DIP2B: variants seen among roughly 807,000 people sequenced by gnomAD.
The protein encoded by DIP2B is DIP2 acetate--CoA ligase B (putative), also known as disco-interacting protein 2 homolog B.
In DIP2B, 76 loss-of-function variants were observed where a neutral mutation model predicts 198.0. That is an observed-to-expected ratio of 0.38 (90% CI 0.32 to 0.46). The LOEUF is 0.46. Among genes scored for constraint, DIP2B ranks in the 20% least tolerant of loss-of-function variants. DIP2B has a pLI of 0.99. For synonymous variants in DIP2B, 701 were observed against 739.1 expected, an observed-to-expected ratio of 0.95 and a Z score of 0.84; for missense variants, 1,559 against 1,978.4, an observed-to-expected ratio of 0.79 and a Z score of 4.02.
At chr12:50,720,426 AT>A (rs199799937) in intron 25 of DIP2B, among the ~76,000 whole-genome samples, 9,087 of 141,924 alleles carry the variant, frequency 0.064, 302 homozygotes, top group African/African-American at 0.086. Context: ...CTGGAATCTG[AT>A]TTTTTTTTTT....
chr12:50,601,752 A>G (rs1958938799), intron 1 of DIP2B, among the ~76,000 whole-genome samples: 2 of 151,920 alleles, frequency 1.3e-5, no homozygotes, highest in African/African-American at 4.8e-5. Flanking sequence ...GTTGGCCTTC[A>G]TAATGTTTCT....
At chr12:50,570,800 A>G (rs1958606178) in intron 1 of DIP2B, among the ~76,000 whole-genome samples, 1 of 152,252 alleles carries the variant, frequency 6.6e-6, no homozygotes, top group African/African-American at 2.4e-5. Context: ...TTTTTTTACA[A>G]TACTTCAGGT....
intron 1 of DIP2B, among the ~76,000 whole-genome samples, chr12:50,559,230 C>G (rs534416992): frequency 6.6e-5 from 10 of 151,660 alleles, no homozygotes; most frequent in Admixed American, 3.9e-4. Flanking sequence ...CTTTGGGTGA[C>G]ATTTTATTTT....
At chr12:50,732,212 T>A (rs1035770593) in intron 31 of DIP2B, among the ~76,000 whole-genome samples, 154 bp from the exon 32 acceptor site, 1 of 152,228 alleles carries the variant, frequency 6.6e-6, no homozygotes, top group African/African-American at 2.4e-5. Flanking sequence ...TGTCCGTTTC[T>A]TCTTTTCTGA....
intron 1 of DIP2B, among the ~76,000 whole-genome samples, chr12:50,526,072 A>G (rs193119034): frequency 6.6e-6 from 1 of 152,274 alleles, no homozygotes; most frequent in East Asian, 1.9e-4. Flanking sequence ...TTTTGAGTGC[A>G]GAGATTTTAC....
Position 50,556,355 on chromosome 12 carries a change from G to A in DIP2B, c.100+51115G>A, listed in dbSNP as rs533759017. Reference sequence around the variant, plus strand: ...GAGCCATAGTGCTGGGATTACAGGCGTAAGCCATCGAGCCCGGCCGACTCC... The same window carrying A: ...GAGCCATAGTGCTGGGATTACAGGCATAAGCCATCGAGCCCGGCCGACTCC... On this transcript the variant is annotated intron_variant, in intron 1 of 37. Coordinates refer to ENST00000301180, the MANE Select transcript of DIP2B (RefSeq NM_173602.3). Among the ~76,000 whole-genome samples the A allele has an allele frequency of 5.9e-5, 9 of 152,186 alleles. No individual in the cohort carries two copies. In the South Asian group the frequency reaches 1.5e-3, roughly 25 times the overall value.
intron 1 of DIP2B, among the ~76,000 whole-genome samples, chr12:50,556,503 T>C (rs1958472435): frequency 6.6e-6 from 1 of 152,164 alleles, no homozygotes; most frequent in Admixed American, 6.5e-5. Flanking sequence ...ACAGCCGTTT[T>C]ACTGGGAGTT....
At chr12:50,531,076 C>T (rs1031727624) in intron 1 of DIP2B, among the ~76,000 whole-genome samples, 9 of 152,072 alleles carry the variant, frequency 5.9e-5, no homozygotes, top group African/African-American at 1.4e-4. Context: ...GATGGAGTCT[C>T]GCTCTGTCGC....
chr12:50,616,432 T>C (rs536600604), intron 1 of DIP2B, among the ~76,000 whole-genome samples: 1 of 152,352 alleles, frequency 6.6e-6, no homozygotes, highest in South Asian at 2.1e-4. Context: ...AAAATTCTCA[T>C]CTTCTTTCAA....
intron 3 of DIP2B, chr12:50,656,930 A>G (rs1368897142): frequency 1.3e-5 from 2 of 152,156 alleles, no homozygotes; most frequent in African/African-American, 4.8e-5. Flanking sequence ...TGGTAGAGCT[A>G]TAAAATTATC....
intron 1 of DIP2B, among the ~76,000 whole-genome samples, chr12:50,545,685 T>G (rs1289791560): frequency 4.0e-5 from 6 of 151,576 alleles, no homozygotes; most frequent in Non-Finnish European, 8.8e-5. Flanking sequence ...TTTTTTTTTT[T>G]TTTTTCATAA....
chr12:50,588,966 C>G (rs1958794708), intron 1 of DIP2B, among the ~76,000 whole-genome samples: 1 of 151,790 alleles, frequency 6.6e-6, no homozygotes, highest in Non-Finnish European at 1.5e-5. Context: ...GGGCGGATCA[C>G]GAGGTCAGGA....
intron 3 of DIP2B, among the ~76,000 whole-genome samples, chr12:50,645,519 A>C (rs1414153457): frequency 6.7e-6 from 1 of 150,258 alleles, no homozygotes; most frequent in Non-Finnish European, 1.5e-5. Flanking sequence ...GTACAGTGGC[A>C]CAATCATGGC....
At chr12:50,559,145 T>C (rs929014438) in intron 1 of DIP2B, among the ~76,000 whole-genome samples, 1 of 152,214 alleles carries the variant, frequency 6.6e-6, no homozygotes, top group East Asian at 1.9e-4. Context: ...CATGGGTGAT[T>C]AGGTGATCAC....
chr12:50,655,986 A>AAGAG (rs1938548443), intron 3 of DIP2B, among the ~76,000 whole-genome samples: 1 of 152,230 alleles, frequency 6.6e-6, no homozygotes, highest in Non-Finnish European at 1.5e-5. Context: ...AAAATAAAAA[A>AAGAG]TAAACAATTT....
rs546288640 is a variant in DIP2B, at chr12:50,559,543, C to G, written c.100+54303C>G. On this transcript the variant is annotated intron_variant, in intron 1 of 37. Coordinates refer to ENST00000301180, the MANE Select transcript of DIP2B (RefSeq NM_173602.3). ...ATTGCTTGAGCCTAGGAGTTTAAGA[C>G]CAGCTGGGGCAACATAGCAAGATCT... 2.6e-5 allele frequency among the ~76,000 whole-genome samples: 4 copies of G among 151,830 alleles called. No individual in the cohort carries two copies. In the South Asian group the frequency reaches 8.3e-4, roughly 32 times the overall value.
At chr12:50,639,591 CT>C (rs970097290) in intron 2 of DIP2B, among the ~76,000 whole-genome samples, 216 of 143,488 alleles carry the variant, frequency 1.5e-3, no homozygotes, top group Non-Finnish European at 1.3e-3. Flanking sequence ...TGCTTTGAGT[CT>C]TTTTTTTTTT....
At chr12:50,683,609 G>A (rs902313474) in intron 10 of DIP2B, among the ~76,000 whole-genome samples, 5 of 151,750 alleles carry the variant, frequency 3.3e-5, no homozygotes, top group Non-Finnish European at 5.9e-5. Context: ...GTGAAACCCC[G>A]TCTCTACTAA....
At chr12:50,661,083 C>T (rs1252110510) in intron 4 of DIP2B, among the ~76,000 whole-genome samples, 1 of 151,466 alleles carries the variant, frequency 6.6e-6, no homozygotes, top group Admixed American at 6.6e-5. Context: ...TTTTTTAAAA[C>T]CTTAAAAAAA....
Sources: allele counts gnomAD v4.1 joint callset (sites outside exome capture counted in the v4.1 genomes callset), GRCh38; gene constraint gnomAD v4.1.1; transcripts MANE v1.5; gene names NCBI Gene and HGNC (gene_info 2026-07-23, HGNC 2026-07-21).